Variants in SGCD observed in about 807,000 individuals in gnomAD.
SGCD encodes sarcoglycan delta.
A neutral mutation model predicts 36.6 loss-of-function variants in SGCD; 18 were observed. That is an observed-to-expected ratio of 0.49 (90% CI 0.34 to 0.73). SGCD has a LOEUF of 0.73. Among genes scored for constraint, SGCD ranks in the 30% least tolerant of loss-of-function variants. The probability of loss-of-function intolerance (pLI) is 0.01; values close to 1 mark genes in which losing one functional copy is unlikely to be tolerated. For synonymous variants in SGCD, 133 were observed against 130.6 expected (o/e 1.02, Z -0.12); for missense variants, 387 against 346.7 (o/e 1.12, Z -0.92).
intron 3 of SGCD, among the ~76,000 whole-genome samples, chr5:156,449,640 T>C (rs1308829592): frequency 5.4e-5 from 7 of 129,552 alleles, no homozygotes; most frequent in Non-Finnish European, 7.7e-5. Flanking sequence ...AAGACCAGCC[T>C]GGCCAACATG....
intron 1 of SGCD, among the ~76,000 whole-genome samples, chr5:156,022,943 G>A (rs1186006036): frequency 1.3e-5 from 2 of 152,154 alleles, no homozygotes; most frequent in African/African-American, 4.8e-5. Context: ...CCACCCAGCT[G>A]TCACTTCTTT....
chr5:156,257,362 T>C (rs964616295), intron 3 of SGCD, among the ~76,000 whole-genome samples: 11 of 151,750 alleles, frequency 7.2e-5, no homozygotes, highest in African/African-American at 2.7e-4. Context: ...TAGTCCCAGC[T>C]ACTTGGGAGG....
intron 3 of SGCD, among the ~76,000 whole-genome samples, chr5:156,443,777 T>C (rs1373863604): frequency 6.6e-6 from 1 of 152,060 alleles, no homozygotes; most frequent in Non-Finnish European, 1.5e-5. Context: ...TGAAATAGCT[T>C]CTAGATTTCA....
chr5:156,380,888 T>A (rs1315235352), intron 3 of SGCD, among the ~76,000 whole-genome samples: 1 of 152,184 alleles, frequency 6.6e-6, no homozygotes, highest in African/African-American at 2.4e-5. Context: ...TTTTCTCTCG[T>A]AAGTCGAGTA....
chr5:155,853,666 T>C, the SGCD span, among the ~76,000 whole-genome samples: 26 of 152,340 alleles, frequency 1.7e-4, no homozygotes, highest in Non-Finnish European at 2.8e-4. Flanking sequence ...AGGTTTCGCG[T>C]GTACTTGTGT....
chr5:155,763,844 C>T, the SGCD span, among the ~76,000 whole-genome samples: 3 of 144,606 alleles, frequency 2.1e-5, no homozygotes, highest in Admixed American at 7.3e-5. Flanking sequence ...CTCATTCTTT[C>T]CCCCCTTCAA....
intron 1 of SGCD, among the ~76,000 whole-genome samples, chr5:156,031,550 G>A (rs1201750151): frequency 6.6e-6 from 1 of 152,172 alleles, no homozygotes; most frequent in Non-Finnish European, 1.5e-5. Context: ...CATTTCTTGT[G>A]TGTTAGTCTT....
intron 3 of SGCD, among the ~76,000 whole-genome samples, chr5:156,448,731 C>CTTTTTTTTTTTTTTTTTTTT (rs1158844774): frequency 2.6e-5 from 2 of 76,016 alleles, no homozygotes; most frequent in African/African-American, 6.1e-5. Flanking sequence ...TTTTCTTTTT[C>CTTTTTTTTTTTTTTTTTTTT]TTTTTTTTTT....
chr5:156,057,032 T>C (rs1760083068), intron 1 of SGCD, among the ~76,000 whole-genome samples: 1 of 146,360 alleles, frequency 6.8e-6, no homozygotes, highest in Admixed American at 6.8e-5. Context: ...CATTAATGCA[T>C]TTAAAATTGT....
intron 1 of SGCD, among the ~76,000 whole-genome samples, chr5:155,990,267 T>G (rs1349720991): frequency 1.3e-5 from 2 of 152,322 alleles, no homozygotes; most frequent in Admixed American, 1.3e-4. Flanking sequence ...CTGTTTTATT[T>G]TTCCTGAAGA....
At chr5:156,462,267 G>C (rs571375446) in intron 3 of SGCD, among the ~76,000 whole-genome samples, 2 of 152,262 alleles carry the variant, frequency 1.3e-5, no homozygotes, top group South Asian at 4.1e-4. Flanking sequence ...TGGCTTGAAG[G>C]AACAATGATT....
intron 2 of SGCD, among the ~76,000 whole-genome samples, chr5:156,341,594 T>G (rs900806135): frequency 1.3e-5 from 2 of 152,258 alleles, no homozygotes; most frequent in Non-Finnish European, 2.9e-5. Context: ...ACCAATGGCA[T>G]GTAATCCTGT....
intron 3 of SGCD, among the ~76,000 whole-genome samples, chr5:156,363,940 C>T (rs1769947460): frequency 6.6e-6 from 1 of 152,170 alleles, no homozygotes; most frequent in South Asian, 2.1e-4. Flanking sequence ...TGACGGGAGT[C>T]ACATGCCCAG....
intron 3 of SGCD, among the ~76,000 whole-genome samples, chr5:156,146,080 G>T (rs969587625): frequency 2.0e-5 from 3 of 152,110 alleles, no homozygotes; most frequent in Non-Finnish European, 4.4e-5. Context: ...GGGCGTAGTT[G>T]TGGGCGCCTG....
At chr5:156,634,934 A>G (rs1762768222) in intron 6 of SGCD, among the ~76,000 whole-genome samples, 2 of 152,188 alleles carry the variant, frequency 1.3e-5, no homozygotes, top group African/African-American at 2.4e-5. Flanking sequence ...TAAATAGCGG[A>G]ACTTCCTGGC....
In SGCD at chr5:156,388,269, G is replaced by A. The variant is rs577810681; in HGVS notation, c.192+43592G>A. ...GAACTGTATTTTTTTTCTTAAAAAA[G>A]CCTCCCTATGATAGTTTCCTTGAAC... On this transcript the variant is annotated intron_variant, in intron 3 of 8. Coordinates refer to ENST00000337851, the MANE Select transcript of SGCD (RefSeq NM_000337.6). 3.9e-5 allele frequency among the ~76,000 whole-genome samples: 6 copies of A among 152,252 alleles called. No homozygotes were observed. In the East Asian group the frequency reaches 1.2e-3, roughly 29 times the overall value.
At chr5:156,638,479 G>A (rs1271099392) in intron 6 of SGCD, among the ~76,000 whole-genome samples, 1 of 152,210 alleles carries the variant, frequency 6.6e-6, no homozygotes, top group Non-Finnish European at 1.5e-5. Context: ...CCTTGAGCAC[G>A]GCTCTCTCAT....
intron 1 of SGCD, among the ~76,000 whole-genome samples, chr5:156,000,976 C>T (rs1758652784): frequency 6.6e-6 from 1 of 152,124 alleles, no homozygotes; most frequent in African/African-American, 2.4e-5. Flanking sequence ...TCCAGCCATG[C>T]TAATTCTCAC....
chr5:156,632,106 G>T (rs925194952), intron 6 of SGCD, among the ~76,000 whole-genome samples: 4 of 152,054 alleles, frequency 2.6e-5, no homozygotes, highest in African/African-American at 7.2e-5. Context: ...TTTCCTTTAG[G>T]CAGTTCTTCA....
Sources: allele counts gnomAD v4.1 joint callset (sites outside exome capture counted in the v4.1 genomes callset), GRCh38; gene constraint gnomAD v4.1.1; transcripts MANE v1.5; gene names NCBI Gene and HGNC (gene_info 2026-07-23, HGNC 2026-07-21).